The following UST variants were observed in gnomAD, a reference collection of about 807,000 sequenced individuals.
UST encodes the protein chondroitin sulfate 2-O-sulfotransferase.
Under a neutral mutation model 45.6 loss-of-function variants are expected in UST, and 21 were observed. The observed-to-expected ratio is 0.46, with a 90% CI of 0.33 to 0.66. The LOEUF (loss-of-function observed/expected upper bound fraction) is 0.66. Ranked by LOEUF, UST falls within the 30% of genes least tolerant of loss-of-function variation. The pLI, the probability that UST is intolerant of heterozygous loss-of-function variation, is 0.02. For missense variants in UST, 463 were observed against 512.4 expected (o/e 0.90, Z 0.93); for synonymous variants, 215 against 200.6 (o/e 1.07, Z -0.61).
chr6:148,769,346 G>T (rs1475134485), intron 1 of UST, among the ~76,000 whole-genome samples: 1 of 152,234 alleles, frequency 6.6e-6, no homozygotes, highest in Non-Finnish European at 1.5e-5. Flanking sequence ...GACCAGTAGA[G>T]GTATATTTTC....
intron 2 of UST, among the ~76,000 whole-genome samples, chr6:148,926,619 T>A (rs777389450): frequency 6.6e-6 from 1 of 152,124 alleles, no homozygotes. Context: ...GGGAGGAGAA[T>A]AGAATGGAAA....
In UST at chr6:148,890,708, T is replaced by C. The variant is rs549390180; in HGVS notation, c.291+3679T>C. On this transcript the variant is annotated intron_variant, in intron 2 of 7. Coordinates refer to ENST00000367463, the MANE Select transcript of UST (RefSeq NM_005715.3). ...TTTCATAAGAAAAAACAAAGCCCTC[T>C]GATTTTCACTTGTTTTTAAAATCCA... Among the ~76,000 whole-genome samples the C allele has an allele frequency of 4.6e-5, 7 of 152,328 alleles. No individual in the cohort carries two copies. In the South Asian group the frequency reaches 1.0e-3, roughly 23 times the overall value.
intron 1 of UST, among the ~76,000 whole-genome samples, chr6:148,794,909 C>T (rs1776919275): frequency 6.6e-6 from 1 of 152,222 alleles, no homozygotes; most frequent in Non-Finnish European, 1.5e-5. Flanking sequence ...TGAGCATTCA[C>T]TGGCTAAGAA....
chr6:148,859,037 T>C (rs986484096), intron 1 of UST, among the ~76,000 whole-genome samples: 1 of 152,224 alleles, frequency 6.6e-6, no homozygotes, highest in Admixed American at 6.5e-5. Flanking sequence ...CTTGGTCAAA[T>C]GGTATTTCTA....
rs116558426 is a variant in UST, at chr6:148,971,132, T to A, written c.681+6569T>A. Among the ~76,000 whole-genome samples, 1,263 of 152,258 alleles carry A rather than the reference T, an allele frequency of 8.3e-3. 20 individuals carry two copies. Among genetic ancestry groups the A allele is most frequent in the African/African-American group, 0.029 (1,219 of 41,538 alleles). ...CATTCTGACACTTGGCTATGCCACT[T>A]ATAAGTGCTCACCACTGTGCATTCT... On this transcript the variant is annotated intron_variant, in intron 5 of 7. Transcript: ENST00000367463.
intron 5 of UST, among the ~76,000 whole-genome samples, chr6:149,006,320 AGT>A (rs1329855102): frequency 2.0e-5 from 3 of 152,088 alleles, no homozygotes; most frequent in African/African-American, 7.2e-5. Context: ...CCCACTTATA[AGT>A]GAGAACATGT....
chr6:148,995,533 C>G (rs1488489714), intron 5 of UST, among the ~76,000 whole-genome samples: 1 of 152,216 alleles, frequency 6.6e-6, no homozygotes, highest in Non-Finnish European at 1.5e-5. Flanking sequence ...TAGCATTATT[C>G]TTGCCAGAAA....
chr6:149,052,070 G>A (rs1435673469), intron 7 of UST, among the ~76,000 whole-genome samples: 1 of 152,180 alleles, frequency 6.6e-6, no homozygotes, highest in African/African-American at 2.4e-5. Context: ...ATCTATAAAT[G>A]CACATGTATA....
chr6:148,889,814 T>G (rs1317351677), intron 2 of UST, among the ~76,000 whole-genome samples: 7 of 152,078 alleles, frequency 4.6e-5, no homozygotes, highest in Admixed American at 4.6e-4. Context: ...GTGCCTAGAT[T>G]CGGTGTTGGC....
chr6:148,951,420 T>G (rs2114936342), intron 3 of UST, among the ~76,000 whole-genome samples: 1 of 152,288 alleles, frequency 6.6e-6, no homozygotes, highest in African/African-American at 2.4e-5. Context: ...TTATTCGTGT[T>G]TTTATCTCCA....
Position 148,868,613 on chromosome 6 carries a change from G to A in UST, c.248-18373G>A, listed in dbSNP as rs571184126. Among the ~76,000 whole-genome samples, 3 of 152,300 alleles carry A rather than the reference G, an allele frequency of 2.0e-5. 1 individual carries two copies. Among genetic ancestry groups the A allele is most frequent in the African/African-American group, 7.2e-5 (3 of 41,560 alleles). On this transcript the variant is annotated intron_variant, in intron 1 of 7. Coordinates refer to ENST00000367463, the MANE Select transcript of UST (RefSeq NM_005715.3). Reference sequence around the variant, plus strand: ...AGAAACCGATCTACTAAGTACTAAAGAGTATTTATGAGCCACGGTAGACTT... The same window carrying A: ...AGAAACCGATCTACTAAGTACTAAAAAGTATTTATGAGCCACGGTAGACTT...
Position 148,855,298 on chromosome 6 carries a change from T to C in UST, c.248-31688T>C, listed in dbSNP as rs541312366. Among the ~76,000 whole-genome samples the C allele has an allele frequency of 2.6e-4, 40 of 152,336 alleles. No individual in the cohort carries two copies. The South Asian group carries it at 8.1e-3, about 31-fold the overall frequency. On this transcript the variant is annotated intron_variant, in intron 1 of 7. Coordinates refer to ENST00000367463, the MANE Select transcript of UST (RefSeq NM_005715.3). ...AACAGTCATTGCTTTGCAGCCTACT[T>C]GCCTCGCCGGGGATTTGTTATCTCC...
chr6:149,070,193 T>A (rs958150308), intron 7 of UST, among the ~76,000 whole-genome samples: 1 of 152,240 alleles, frequency 6.6e-6, no homozygotes, highest in Non-Finnish European at 1.5e-5. Context: ...AGGCTTTCAA[T>A]GAGAGAATTA....
chr6:148,893,244 A>G (rs1298768031), intron 2 of UST, among the ~76,000 whole-genome samples: 3 of 152,234 alleles, frequency 2.0e-5, no homozygotes, highest in African/African-American at 7.2e-5. Flanking sequence ...AAGGCGGCTT[A>G]CAATTATTAT....
intron 1 of UST, among the ~76,000 whole-genome samples, chr6:148,776,030 A>C (rs920515735): frequency 6.6e-6 from 1 of 152,210 alleles, no homozygotes; most frequent in Admixed American, 6.5e-5. Flanking sequence ...TTATGAGCTG[A>C]AATTTTATTA....
intron 1 of UST, among the ~76,000 whole-genome samples, chr6:148,876,644 C>G (rs1447740093): frequency 6.6e-6 from 1 of 152,132 alleles, no homozygotes; most frequent in Non-Finnish European, 1.5e-5. Flanking sequence ...ATCCCTCTTG[C>G]ATAAGCGTGA....
At chr6:148,761,187 C>G (rs1776211275) in intron 1 of UST, among the ~76,000 whole-genome samples, 1 of 152,188 alleles carries the variant, frequency 6.6e-6, no homozygotes. Flanking sequence ...CACGTGCGGC[C>G]AAGTTCTGGG....
chr6:148,856,503 G>C (rs1393172374), intron 1 of UST, among the ~76,000 whole-genome samples: 1 of 152,160 alleles, frequency 6.6e-6, no homozygotes, highest in Non-Finnish European at 1.5e-5. Flanking sequence ...ATAGTGTATG[G>C]GCAGAGGTGC....
At chr6:148,972,738 C>G (rs949223489) in intron 5 of UST, among the ~76,000 whole-genome samples, 12 of 152,386 alleles carry the variant, frequency 7.9e-5, no homozygotes, top group African/African-American at 2.4e-4. Flanking sequence ...GCGCTGCACC[C>G]CTACTGGGGC....
Sources: gnomAD v4.1 joint callset for allele counts (sites outside exome capture counted in the v4.1 genomes callset) on GRCh38, gnomAD v4.1.1 for gene constraint, MANE v1.5 for transcripts, NCBI Gene and HGNC (gene_info 2026-07-23, HGNC 2026-07-21) for gene names.